Variants in CADM2 observed in about 807,000 individuals in gnomAD.
The protein encoded by CADM2 is cell adhesion molecule 2, also known as immunoglobulin superfamily member 4D.
A neutral mutation model predicts 49.8 loss-of-function variants in CADM2; 12 were observed. The observed-to-expected ratio is 0.24, with a 90% CI of 0.15 to 0.39. The LOEUF (loss-of-function observed/expected upper bound fraction) is 0.39. Among genes scored for constraint, CADM2 ranks in the 10% least tolerant of loss-of-function variants. The pLI is 1.00. For synonymous variants in CADM2, 214 were observed against 175.4 expected, an observed-to-expected ratio of 1.22 and a Z score of -1.74; for missense variants, 378 against 492.3, an observed-to-expected ratio of 0.77 and a Z score of 2.20.
At chr3:85,253,186 A>T (rs952612296) in intron 1 of CADM2, among the ~76,000 whole-genome samples, 1 of 152,062 alleles carries the variant, frequency 6.6e-6, no homozygotes, top group Non-Finnish European at 1.5e-5. Flanking sequence ...TTAGCACAGC[A>T]ATACATAACT....
intron 1 of CADM2, among the ~76,000 whole-genome samples, chr3:85,477,373 TAAG>T (rs1312706421): frequency 3.7e-5 from 5 of 135,092 alleles, no homozygotes; most frequent in Non-Finnish European, 6.6e-5. Flanking sequence ...GAGAGAGATT[TAAG>T]AAGAAGATTA....
intron 1 of CADM2, among the ~76,000 whole-genome samples, chr3:85,025,961 C>T (rs1449693028): frequency 6.6e-6 from 1 of 152,126 alleles, no homozygotes; most frequent in African/African-American, 2.4e-5. Context: ...TTTTCTGGCT[C>T]TGAATCTCTC....
At chr3:85,462,067 G>A (rs1040062185) in intron 1 of CADM2, among the ~76,000 whole-genome samples, 1 of 152,070 alleles carries the variant, frequency 6.6e-6, no homozygotes, top group Non-Finnish European at 1.5e-5. Context: ...GTCTGACAAA[G>A]TGATCCCTTA....
At chr3:85,189,448 C>T (rs561838145) in intron 1 of CADM2, among the ~76,000 whole-genome samples, 5 of 152,180 alleles carry the variant, frequency 3.3e-5, no homozygotes, top group Admixed American at 6.5e-5. Context: ...AATTTTAAAT[C>T]AGCAGCTCAT....
At chr3:85,022,108 T>C (rs548704675) in intron 1 of CADM2, among the ~76,000 whole-genome samples, 2 of 152,298 alleles carry the variant, frequency 1.3e-5, no homozygotes, top group Admixed American at 6.5e-5. Context: ...GGCTCATAGA[T>C]ATTAGACAAA....
At chr3:85,281,319 G>A (rs917142788) in intron 1 of CADM2, among the ~76,000 whole-genome samples, 2 of 151,696 alleles carry the variant, frequency 1.3e-5, no homozygotes, top group African/African-American at 4.8e-5. Context: ...ATGCAAAAAT[G>A]TAAAAGATAT....
At chr3:85,586,085 G>T (rs141714292) in intron 1 of CADM2, among the ~76,000 whole-genome samples, 67 of 152,126 alleles carry the variant, frequency 4.4e-4, no homozygotes, top group African/African-American at 1.6e-3. Flanking sequence ...ACTCATTAAA[G>T]TGTGGTTGAT....
chr3:85,948,155 T>C (rs1046568439), intron 7 of CADM2, among the ~76,000 whole-genome samples: 2 of 151,540 alleles, frequency 1.3e-5, no homozygotes, highest in Non-Finnish European at 3.0e-5. Context: ...TTTGGAAACA[T>C]TGCATATGTG....
At position 85,361,565 on chromosome 3, in the gene CADM2, G is replaced by A. The variant is rs577660696; in HGVS notation, c.62-364957G>A. On this transcript the variant is annotated intron_variant, in intron 1 of 9. Transcript: ENST00000383699. Reference sequence around the variant, plus strand: ...AGCAAATAATCTCCCAAATTAAGTGGTTCAACAAAATAGAAGCTTTTTTCT... The same window carrying A: ...AGCAAATAATCTCCCAAATTAAGTGATTCAACAAAATAGAAGCTTTTTTCT... Among the ~76,000 whole-genome samples, 8 of 152,262 alleles carry A rather than the reference G, an allele frequency of 5.3e-5. No individual in the cohort carries two copies. The South Asian group carries it at 1.5e-3, about 28-fold the overall frequency.
rs113374790 is a variant in CADM2 at position 85,191,642 on chromosome 3, A to G, written c.61+231974A>G. ...AGCAGCTCTAATTATAAACACCATC[A>G]GAGAAGGGGATCCACTATACATCCA... On this transcript the variant is annotated intron_variant, in intron 1 of 9. Transcript: ENST00000383699. 1.2e-4 allele frequency among the ~76,000 whole-genome samples: 18 copies of G among 152,200 alleles called. 1 individual carries two copies. The highest frequency in any genetic ancestry group is 4.3e-4 in the African/African-American group (18 of 41,556).
At chr3:85,026,247 T>C (rs1447151007) in intron 1 of CADM2, among the ~76,000 whole-genome samples, 1 of 152,168 alleles carries the variant, frequency 6.6e-6, no homozygotes, top group African/African-American at 2.4e-5. Context: ...CTAATTTCCA[T>C]TGTATGGAGT....
intron 1 of CADM2, among the ~76,000 whole-genome samples, chr3:85,013,897 A>T (rs1051647952): frequency 6.8e-6 from 1 of 147,410 alleles, no homozygotes; most frequent in Admixed American, 6.9e-5. Context: ...TTAATATATT[A>T]TTGTACTGTC....
At chr3:85,928,231 T>C (rs1720141063) in intron 6 of CADM2, among the ~76,000 whole-genome samples, 1 of 150,926 alleles carries the variant, frequency 6.6e-6, no homozygotes, top group South Asian at 2.1e-4. Context: ...CGATCTCGGC[T>C]CACTGTAACC....
intron 1 of CADM2, among the ~76,000 whole-genome samples, chr3:85,189,678 T>C (rs947471269): frequency 6.6e-6 from 1 of 152,164 alleles, no homozygotes; most frequent in Non-Finnish European, 1.5e-5. Flanking sequence ...CAATTAACTT[T>C]TCTTATTTGA....
At chr3:85,572,481 G>A (rs551684216) in intron 1 of CADM2, among the ~76,000 whole-genome samples, 3 of 152,168 alleles carry the variant, frequency 2.0e-5, no homozygotes, top group Admixed American at 2.0e-4. Context: ...GAGGGGAGAC[G>A]GGGAAGAGGT....
At chr3:85,199,619 T>G (rs1337729045) in intron 1 of CADM2, among the ~76,000 whole-genome samples, 1 of 151,890 alleles carries the variant, frequency 6.6e-6, no homozygotes, top group Non-Finnish European at 1.5e-5. Flanking sequence ...TTTATAAATC[T>G]CTAGTATATG....
At chr3:85,611,060 T>G (rs2063670092) in intron 1 of CADM2, among the ~76,000 whole-genome samples, 2 of 151,850 alleles carry the variant, frequency 1.3e-5, no homozygotes, top group South Asian at 4.1e-4. Context: ...TGTTGCCATA[T>G]GAAACTAATA....
At chr3:85,036,556 C>T (rs1218445148) in intron 1 of CADM2, among the ~76,000 whole-genome samples, 1 of 152,046 alleles carries the variant, frequency 6.6e-6, no homozygotes, top group East Asian at 1.9e-4. Context: ...CATTTGGGTT[C>T]TCTTGCCTAT....
At chr3:85,706,826 G>T (rs1490738583) in intron 1 of CADM2, among the ~76,000 whole-genome samples, 1 of 151,988 alleles carries the variant, frequency 6.6e-6, no homozygotes, top group Admixed American at 6.6e-5. Context: ...CTCATTATTT[G>T]TTAAATAAGA....
Sources: gnomAD v4.1 joint callset for allele counts (sites outside exome capture counted in the v4.1 genomes callset) on GRCh38, gnomAD v4.1.1 for gene constraint, MANE v1.5 for transcripts, NCBI Gene and HGNC (gene_info 2026-07-23, HGNC 2026-07-21) for gene names.